The following MRPS28 variants were observed in gnomAD, a reference collection of about 807,000 sequenced individuals.
The protein encoded by MRPS28 is small ribosomal subunit protein bS1m.
A neutral mutation model predicts 10.8 loss-of-function variants in MRPS28; 7 were observed. The ratio of observed to expected loss-of-function variants is 0.65; its 90% CI spans 0.37 to 1.22. The LOEUF is 1.22. MRPS28 is among the 50% of genes most tolerant of loss of function. MRPS28 has a pLI of 0.02. For missense variants in MRPS28, 265 were observed against 232.9 expected (o/e 1.14, Z -0.90); for synonymous variants, 121 against 93.3 (o/e 1.30, Z -1.71).
At chr8:79,962,751 AT>A (rs1807404882) in intron 2 of MRPS28, among the ~76,000 whole-genome samples, 1 of 152,088 alleles carries the variant, frequency 6.6e-6, no homozygotes, top group Non-Finnish European at 1.5e-5. Flanking sequence ...TGGTAAAGGG[AT>A]TTTCACGGTT....
chr8:80,022,246 C>T (rs1809386853), intron 1 of MRPS28, among the ~76,000 whole-genome samples: 1 of 151,624 alleles, frequency 6.6e-6, no homozygotes, highest in Non-Finnish European at 1.5e-5. Context: ...TCCTTTGAGT[C>T]ATTCAAATTA....
At chr8:79,968,797 C>T (rs1221702702) in intron 2 of MRPS28, among the ~76,000 whole-genome samples, 3 of 151,894 alleles carry the variant, frequency 2.0e-5, no homozygotes, top group African/African-American at 7.3e-5. Flanking sequence ...TTATTCATTC[C>T]CTCTTGATTA....
At chr8:79,933,076 T>C (rs1009275405) in intron 2 of MRPS28, among the ~76,000 whole-genome samples, 3 of 152,230 alleles carry the variant, frequency 2.0e-5, no homozygotes, top group African/African-American at 4.8e-5. Context: ...TTTTTTATTT[T>C]CTACAACAAT....
At chr8:80,004,006 A>C (rs1391640947) in intron 1 of MRPS28, among the ~76,000 whole-genome samples, 2 of 152,218 alleles carry the variant, frequency 1.3e-5, no homozygotes, top group African/African-American at 2.4e-5. Context: ...AACTGGGTGG[A>C]GCCCACCAAA....
intron 1 of MRPS28, among the ~76,000 whole-genome samples, chr8:80,021,887 A>G (rs1235587669): frequency 6.6e-6 from 1 of 152,232 alleles, no homozygotes; most frequent in Admixed American, 6.5e-5. Flanking sequence ...GTAACATTTT[A>G]GAAGACTATA....
In MRPS28 at chr8:80,018,434, A is replaced by G. The variant is rs148601133; in HGVS notation, c.213+11602T>C. The stretch of plus-strand genomic sequence containing the variant: ...AAATGCAAATCAAACCTACAATGAG[A>G]TATCATCTCACCCCAGTTAAAATGG... On this transcript the variant is annotated intron_variant, in intron 1 of 2. Coordinates refer to ENST00000276585, the MANE Select transcript of MRPS28 (RefSeq NM_014018.3). Among the ~76,000 whole-genome samples the G allele has an allele frequency of 5.6e-3, 855 of 152,306 alleles. 9 individuals are homozygous for G. Among genetic ancestry groups the G allele is most frequent in the African/African-American group, 0.02 (826 of 41,568 alleles).
chr8:79,940,190 T>C lies in MRPS28; in HGVS notation c.396-21042A>G, dbSNP rs76456690. 3.3e-4 allele frequency among the ~76,000 whole-genome samples: 50 copies of C among 152,152 alleles called. No homozygotes were observed. The South Asian group carries it at 5.0e-3, about 15-fold the overall frequency. On this transcript the variant is annotated intron_variant, in intron 2 of 2. Transcript: ENST00000276585. Reference sequence around the variant, plus strand: ...GCAAAAATCTCTGGTAAAAAAGATATTAGGTTTTAAAACAGGTTTCATGGC... The same window carrying C: ...GCAAAAATCTCTGGTAAAAAAGATACTAGGTTTTAAAACAGGTTTCATGGC...
At chr8:79,999,862 T>C (rs1808613199) in intron 2 of MRPS28, among the ~76,000 whole-genome samples, 1 of 152,078 alleles carries the variant, frequency 6.6e-6, no homozygotes, top group African/African-American at 2.4e-5. Context: ...TTGACTCTTA[T>C]CTTTTTTTTT....
At chr8:80,004,861 C>T (rs540258296) in intron 1 of MRPS28, among the ~76,000 whole-genome samples, 1 of 152,172 alleles carries the variant, frequency 6.6e-6, no homozygotes, top group East Asian at 1.9e-4. Context: ...GTAGCTGATT[C>T]GATCAACCGG....
At chr8:79,978,333 T>C (rs80312778) in intron 2 of MRPS28, among the ~76,000 whole-genome samples, 8,139 of 81,086 alleles carry the variant, frequency 0.1, 367 homozygotes, top group African/African-American at 0.19. Context: ...AAAGTGACAG[T>C]TGTATTTTTT....
At chr8:79,960,471 T>C (rs1006452724) in intron 2 of MRPS28, among the ~76,000 whole-genome samples, 1 of 152,114 alleles carries the variant, frequency 6.6e-6, no homozygotes, top group African/African-American at 2.4e-5. Context: ...TTCCCAAAGA[T>C]ATGTGTACCA....
At position 79,959,522 on chromosome 8, in the gene MRPS28, T is replaced by A. The variant is rs1293989612; in HGVS notation, c.396-40374A>T. On this transcript the variant is annotated intron_variant, in intron 2 of 2. Coordinates refer to ENST00000276585, the MANE Select transcript of MRPS28 (RefSeq NM_014018.3). ...ATTCTGAAAGATTGAACGGTACAACTTTAAATGAAAGGGAGACAAGGAGAT... is the reference window on the plus strand; with the variant it reads ...ATTCTGAAAGATTGAACGGTACAACATTAAATGAAAGGGAGACAAGGAGAT... Among the ~76,000 whole-genome samples the A allele has an allele frequency of 2.0e-5, 3 of 152,144 alleles. No individual in the cohort carries two copies. The East Asian group carries it at 5.8e-4, about 29-fold the overall frequency.
chr8:79,978,999 T>C (rs1170911993), intron 2 of MRPS28, among the ~76,000 whole-genome samples: 3 of 152,246 alleles, frequency 2.0e-5, no homozygotes, highest in African/African-American at 7.2e-5. Flanking sequence ...CACTAATTTT[T>C]TGTGTTGTTT....
intron 2 of MRPS28, among the ~76,000 whole-genome samples, chr8:79,985,670 A>T (rs774846425): frequency 1.2e-4 from 19 of 152,254 alleles, no homozygotes; most frequent in Non-Finnish European, 2.2e-4. Flanking sequence ...AAACTAGAAA[A>T]TCTAGAAGAA....
At chr8:79,924,136 T>C (rs1435495961) in intron 2 of MRPS28, among the ~76,000 whole-genome samples, 2 of 152,228 alleles carry the variant, frequency 1.3e-5, no homozygotes, top group African/African-American at 2.4e-5. Context: ...CTAGTCAAAT[T>C]AGCTGTCTTG....
intron 1 of MRPS28, among the ~76,000 whole-genome samples, chr8:80,006,051 C>T (rs1808833009): frequency 6.6e-6 from 1 of 152,066 alleles, no homozygotes; most frequent in South Asian, 2.1e-4. Context: ...CTTTAACACC[C>T]CACTGTCAAC....
intron 1 of MRPS28, among the ~76,000 whole-genome samples, chr8:80,008,469 C>T (rs546959330): frequency 2.5e-3 from 384 of 152,300 alleles, no homozygotes; most frequent in Non-Finnish European, 4.0e-3. Flanking sequence ...AAGAAACTAC[C>T]ATCGGAGTGA....
intron 1 of MRPS28, among the ~76,000 whole-genome samples, chr8:80,005,510 C>T (rs751602522): frequency 5.3e-5 from 8 of 152,274 alleles, no homozygotes; most frequent in Admixed American, 2.0e-4. Flanking sequence ...AAGGAACAAC[C>T]GGTACCAGAC....
At chr8:79,940,833 G>A (rs978178640) in intron 2 of MRPS28, among the ~76,000 whole-genome samples, 1 of 152,196 alleles carries the variant, frequency 6.6e-6, no homozygotes, top group African/African-American at 2.4e-5. Flanking sequence ...GCAGTCTACA[G>A]TACCCCTGGG....
Sources: allele counts gnomAD v4.1 joint callset (sites outside exome capture counted in the v4.1 genomes callset), GRCh38; gene constraint gnomAD v4.1.1; transcripts MANE v1.5; gene names NCBI Gene and HGNC (gene_info 2026-07-23, HGNC 2026-07-21).